The following CYLD variants were observed in gnomAD, a reference collection of about 807,000 sequenced individuals.
The protein encoded by CYLD is CYLD lysine 63 deubiquitinase.
CYLD carries 26 observed loss-of-function variants against 104.5 expected under a neutral mutation model. The ratio of observed to expected loss-of-function variants is 0.25; its 90% CI spans 0.18 to 0.35. CYLD has a LOEUF of 0.35. Ranked by LOEUF, CYLD falls within the 10% of genes least tolerant of loss-of-function variation. The pLI is 1.00. For missense variants in CYLD, 703 were observed against 1,136.1 expected (o/e 0.62, Z 5.48); for synonymous variants, 385 against 399.9 (o/e 0.96, Z 0.45).
intron 5 of CYLD, among the ~76,000 whole-genome samples, chr16:50,757,576 G>A (rs1339479089): frequency 6.6e-6 from 1 of 150,844 alleles, no homozygotes; most frequent in African/African-American, 2.4e-5. Context: ...TCGCTTTGTC[G>A]CCCAGGGTGG....
In CYLD at chr16:50,793,111, CAT is replaced by C. The variant is rs201233994; in HGVS notation, c.2350+410_2350+411del. 5.3e-3 allele frequency among the ~76,000 whole-genome samples: 724 copies of C among 135,554 alleles called. 32 individuals are homozygous for C. In the South Asian group the frequency reaches 0.11, roughly 21 times the overall value. The allele number at this position is 135,554 out of a possible 152,430, so 88.9% of individuals were successfully genotyped here. On this transcript the variant is annotated intron_variant, in intron 16 of 18. Transcript: ENST00000427738. ...CGTTGATATATTCTACAAAAGGAGCCATATACACACACACACACACACACACA... is the reference window on the plus strand; with the variant it reads ...CGTTGATATATTCTACAAAAGGAGCCATACACACACACACACACACACACA...
chr16:50,761,160 A>G (rs1285657156), intron 5 of CYLD, among the ~76,000 whole-genome samples: 1 of 151,948 alleles, frequency 6.6e-6, no homozygotes, highest in African/African-American at 2.4e-5. Flanking sequence ...TGATTTCTTC[A>G]TGTGTTAGGG....
In CYLD at chr16:50,784,346, C is replaced by T. The variant is rs1567451374; in HGVS notation, c.1844C>T (p.Ser615Phe). Residue 615 changes from serine (S) to phenylalanine (F), a missense_variant, in exon 12 of 19, where the codon TCT (serine) becomes TTT (phenylalanine). Physicochemically the swap from Ser to Phe is radical, Grantham distance 155 (BLOSUM62 -2). This residue lies in a region of CYLD where 125 missense variants were observed against 325.4 expected (regional missense o/e 0.38). Coordinates refer to ENST00000427738, the MANE Select transcript of CYLD (RefSeq NM_001378743.1). ...TTTTGCAGCTTATTTGCTTTTAGTTCTGTTCTGGACACTGTGTTACTTAGA... is the reference window on the plus strand; with the variant it reads ...TTTTGCAGCTTATTTGCTTTTAGTTTTGTTCTGGACACTGTGTTACTTAGA... ...STLFCLFAFS[S>F]VLDTVLLRPK... is the part of the protein sequence containing the mutation. 2 of 1,613,392 alleles carry T rather than the reference C, an allele frequency of 1.2e-6. No homozygotes were observed. Among genetic ancestry groups the T allele is most frequent in the Non-Finnish European group, 1.7e-6 (2 of 1,179,634 alleles).
At chr16:50,755,269 C>T (rs112594601) in intron 5 of CYLD, among the ~76,000 whole-genome samples, 1,737 of 150,862 alleles carry the variant, frequency 0.012, 35 homozygotes, top group African/African-American at 0.04. Flanking sequence ...TTTTCTTTAT[C>T]GACTTGTTCA....
At chr16:50,773,214 A>G (rs993433380) in intron 5 of CYLD, among the ~76,000 whole-genome samples, 6 of 152,214 alleles carry the variant, frequency 3.9e-5, no homozygotes, top group Admixed American at 3.9e-4. Context: ...TAGACATTTC[A>G]TTTGATTTGA....
chr16:50,754,557 A>C, intron 5 of CYLD, 133 bp downstream of exon 5: 1 of 685,378 alleles, frequency 1.5e-6, no homozygotes, highest in Non-Finnish European at 2.5e-6. Context: ...GTGATTTCTG[A>C]GATTTTGGTG....
intron 14 of CYLD, among the ~76,000 whole-genome samples, chr16:50,788,365 G>A (rs1366641704): frequency 6.6e-6 from 1 of 152,128 alleles, no homozygotes. Flanking sequence ...ATGACTGAAC[G>A]TTCCAGGTAG....
intron 5 of CYLD, among the ~76,000 whole-genome samples, chr16:50,759,957 A>G (rs1967714393): frequency 1.3e-5 from 2 of 152,250 alleles, no homozygotes; most frequent in Admixed American, 1.3e-4. Context: ...TTTTAATAAA[A>G]CATCTTTTAA....
intron 10 of CYLD, among the ~76,000 whole-genome samples, chr16:50,781,613 G>T (rs528992438): frequency 2.6e-5 from 4 of 152,158 alleles, no homozygotes; most frequent in African/African-American, 9.7e-5. Flanking sequence ...TAGGACGTGC[G>T]TTTGGGACTT....
chr16:50,790,817 C>A (rs1458505131), intron 14 of CYLD, among the ~76,000 whole-genome samples: 1 of 151,774 alleles, frequency 6.6e-6, no homozygotes, highest in Non-Finnish European at 1.5e-5. Flanking sequence ...AGAAATTCTG[C>A]TGAAAAGGTA....
At chr16:50,760,225 A>G (rs545772530) in intron 5 of CYLD, among the ~76,000 whole-genome samples, 1 of 152,188 alleles carries the variant, frequency 6.6e-6, no homozygotes, top group Non-Finnish European at 1.5e-5. Context: ...TTCATTTCAG[A>G]TAGAAGTCAC....
At chr16:50,772,960 G>A (rs1471645018) in intron 5 of CYLD, among the ~76,000 whole-genome samples, 2 of 152,108 alleles carry the variant, frequency 1.3e-5, no homozygotes, top group Admixed American at 1.3e-4. Flanking sequence ...ATACTATTAT[G>A]GAAAATATTT....
At chr16:50,755,778 A>G (rs1452270818) in intron 5 of CYLD, among the ~76,000 whole-genome samples, 2 of 151,988 alleles carry the variant, frequency 1.3e-5, no homozygotes, top group Non-Finnish European at 2.9e-5. Context: ...GATTCTATAT[A>G]TTAGTTCTTT....
chr16:50,782,740 A>G (rs1970349773), intron 11 of CYLD, among the ~76,000 whole-genome samples: 2 of 152,110 alleles, frequency 1.3e-5, no homozygotes, highest in South Asian at 2.1e-4. Context: ...TATCTGGGAA[A>G]TCTTTGTGCA....
chr16:50,764,197 G>A (rs1968248353), intron 5 of CYLD, among the ~76,000 whole-genome samples: 1 of 152,092 alleles, frequency 6.6e-6, no homozygotes, highest in African/African-American at 2.4e-5. Flanking sequence ...TGGAATCAAA[G>A]TCGTGCTTGT....
chr16:50,749,855 C>T lies in CYLD; in HGVS notation c.157C>T (p.Arg53Cys), dbSNP rs1196482079. 8.1e-6 allele frequency: 13 copies of T among 1,613,982 alleles called. No homozygotes were observed. The highest frequency in any genetic ancestry group is 4.0e-5 in the African/African-American group (3 of 74,916). ...KGSIGQYIQD[R>C]SVGHSRIPSA... ...AAGTATAGGACAGTATATTCAAGAT[C>T]GTTCTGTGGGGCATTCAAGGATTCC... is the stretch of plus-strand genomic sequence containing the variant. The change falls in exon 3 of 19, where the codon CGT (arginine) becomes TGT (cysteine). Residue 53 changes from arginine (R) to cysteine (C), a missense_variant. By Grantham distance (180) the Arg-to-Cys change is radical. Transcript: ENST00000427738.
chr16:50,757,989 G>A (rs1371952334), intron 5 of CYLD, among the ~76,000 whole-genome samples: 2 of 152,098 alleles, frequency 1.3e-5, no homozygotes, highest in Non-Finnish European at 2.9e-5. Flanking sequence ...TAGATGTTGG[G>A]GATATAGTAG....
rs980299070 is a variant in CYLD at position 50,781,288 on chromosome 16, A to G, written c.1561A>G (p.Thr521Ala). Reference protein sequence around the residue: ...AGCTDGTFRGTRYFTCALKKA... With the variant: ...AGCTDGTFRGARYFTCALKKA... ...CTGTACGGATGGAACCTTCAGAGGC[A>G]CTCGGTATTTCACCTGTGCCCTGAA... The change falls in exon 10 of 19, where the codon ACT becomes GCT. Residue 521 changes from threonine (T) to alanine (A), a missense_variant. By Grantham distance (58) the Thr-to-Ala change is moderately conservative. Coordinates refer to ENST00000427738, the MANE Select transcript of CYLD (RefSeq NM_001378743.1). 1 of 1,613,954 alleles carries G rather than the reference A, an allele frequency of 6.2e-7. No homozygotes were observed. Among genetic ancestry groups the G allele is most frequent in the Non-Finnish European group, 8.5e-7 (1 of 1,179,868 alleles).
chr16:50,745,163 A>T (rs957467693), intron 2 of CYLD, among the ~76,000 whole-genome samples: 1 of 152,170 alleles, frequency 6.6e-6, no homozygotes, highest in Non-Finnish European at 1.5e-5. Context: ...CTGCAAAATA[A>T]TAAGAGAATA....
Sources: allele counts gnomAD v4.1 joint callset (sites outside exome capture counted in the v4.1 genomes callset), GRCh38; gene constraint gnomAD v4.1.1; regional missense constraint gnomAD v4.1.1; transcripts MANE v1.5; gene names NCBI Gene and HGNC (gene_info 2026-07-23, HGNC 2026-07-21).